ZMYND11: variants seen among roughly 807,000 people sequenced by gnomAD.
The protein encoded by ZMYND11 is zinc finger MYND domain-containing protein 11.
In ZMYND11, 9 loss-of-function variants were observed where a neutral mutation model predicts 84.9. That is an observed-to-expected ratio of 0.11 (90% CI 0.06 to 0.18). ZMYND11 has a LOEUF of 0.18. Among genes scored for constraint, ZMYND11 ranks in the 10% least tolerant of loss-of-function variants. The pLI is 1.00. For missense variants in ZMYND11, 409 were observed against 761.0 expected (o/e 0.54, Z 5.44); for synonymous variants, 250 against 244.1 (o/e 1.02, Z -0.23).
At chr10:247,678 A>C (rs1438225454) in intron 12 of ZMYND11, among the ~76,000 whole-genome samples, 2 of 152,196 alleles carry the variant, frequency 1.3e-5, no homozygotes, top group Non-Finnish European at 2.9e-5. Context: ...TACATGCTCC[A>C]AGTCTCCATC....
intron 4 of ZMYND11, among the ~76,000 whole-genome samples, chr10:231,768 T>C (rs1302611929): frequency 6.6e-6 from 1 of 152,200 alleles, no homozygotes; most frequent in Non-Finnish European, 1.5e-5. Context: ...TGTTCAAATT[T>C]TCTGTTATTT....
chr10:185,355 G>A (rs1350284252), intron 2 of ZMYND11, among the ~76,000 whole-genome samples: 1 of 151,806 alleles, frequency 6.6e-6, no homozygotes, highest in East Asian at 1.9e-4. Context: ...TAATTTTGTT[G>A]TACTGTGTAT....
chr10:185,828 A>AAC (rs1938220880), intron 2 of ZMYND11, among the ~76,000 whole-genome samples: 1 of 149,220 alleles, frequency 6.7e-6, no homozygotes, highest in Non-Finnish European at 1.5e-5. Context: ...AAACAAAAAA[A>AAC]CAAAAAAACA....
chr10:219,183 A>C (rs1946701598), intron 3 of ZMYND11, among the ~76,000 whole-genome samples: 1 of 152,164 alleles, frequency 6.6e-6, no homozygotes, highest in Non-Finnish European at 1.5e-5. Context: ...TCTTCATTTA[A>C]TGGGTGGATG....
At chr10:153,316 G>T (rs1554757668) in intron 1 of ZMYND11, among the ~76,000 whole-genome samples, 1 of 152,128 alleles carries the variant, frequency 6.6e-6, no homozygotes, top group Non-Finnish European at 1.5e-5. Context: ...CAATTAAAAT[G>T]AATATTAATA....
chr10:239,933 A>G lies in ZMYND11; in HGVS notation c.698-123A>G, dbSNP rs923569414. Reference sequence around the variant, plus strand: ...AATTTTATTTTGCTATCGTTATTTTAAATGGACATTTTGGTTTGAAATGGT... The same window carrying G: ...AATTTTATTTTGCTATCGTTATTTTGAATGGACATTTTGGTTTGAAATGGT... On this transcript the variant is annotated intron_variant, in intron 7 of 14. Transcript: ENST00000381604. 61 of 727,822 alleles carry G rather than the reference A, an allele frequency of 8.4e-5. 1 individual carries two copies. The Admixed American group carries it at 1.1e-3, about 13-fold the overall frequency. The allele number at this position is 727,822 out of a possible 1,614,324, so 45.1% of individuals were successfully genotyped here. A position where few individuals can be genotyped will look rare whatever the true frequency, so the allele number is the denominator to read the frequency against.
intron 1 of ZMYND11, among the ~76,000 whole-genome samples, chr10:167,478 A>T (rs886241251): frequency 6.6e-6 from 1 of 152,160 alleles, no homozygotes; most frequent in African/African-American, 2.4e-5. Flanking sequence ...AAAAGTAATT[A>T]AAAAATTTTT....
chr10:147,337 G>A (rs554927482), intron 1 of ZMYND11, among the ~76,000 whole-genome samples: 1 of 152,158 alleles, frequency 6.6e-6, no homozygotes, highest in Admixed American at 6.5e-5. Context: ...AGTTCTTAGG[G>A]GGAATGCTTT....
At chr10:143,319 G>A (rs1044451787) in intron 1 of ZMYND11, among the ~76,000 whole-genome samples, 1 of 152,110 alleles carries the variant, frequency 6.6e-6, no homozygotes. Flanking sequence ...GGAAGCTCTC[G>A]CAACTTTTGA....
At chr10:216,565 A>G (rs923570672) in intron 3 of ZMYND11, among the ~76,000 whole-genome samples, 1 of 152,206 alleles carries the variant, frequency 6.6e-6, no homozygotes, top group Admixed American at 6.5e-5. Flanking sequence ...CCGCAGAACC[A>G]CATATTTCTT....
intron 12 of ZMYND11, among the ~76,000 whole-genome samples, chr10:247,819 GT>G (rs1952473338): frequency 6.6e-6 from 1 of 152,178 alleles, no homozygotes; most frequent in South Asian, 2.1e-4. Flanking sequence ...TATATCAGTT[GT>G]GCCAACATTT....
intron 1 of ZMYND11, among the ~76,000 whole-genome samples, chr10:160,654 G>C (rs1211678445): frequency 6.6e-6 from 1 of 152,148 alleles, no homozygotes; most frequent in African/African-American, 2.4e-5. Context: ...GGAATATTCT[G>C]AAACCTGTGT....
At chr10:144,523 A>G (rs1199715260) in intron 1 of ZMYND11, among the ~76,000 whole-genome samples, 7 of 151,594 alleles carry the variant, frequency 4.6e-5, no homozygotes, top group Non-Finnish European at 1.0e-4. Context: ...TGCCTGGCCT[A>G]TTTTTTAAAA....
intron 1 of ZMYND11, among the ~76,000 whole-genome samples, chr10:158,012 C>T (rs1842091445): frequency 6.6e-6 from 1 of 152,210 alleles, no homozygotes; most frequent in Admixed American, 6.5e-5. Context: ...TTTCGAGGCT[C>T]ATCCATGTTG....
intron 2 of ZMYND11, among the ~76,000 whole-genome samples, chr10:205,064 G>A (rs543415243): frequency 6.0e-4 from 91 of 152,090 alleles, no homozygotes; most frequent in African/African-American, 2.0e-3. Flanking sequence ...GAGTTACCTG[G>A]TCATTATAAG....
intron 1 of ZMYND11, among the ~76,000 whole-genome samples, chr10:155,692 G>A (rs996707898): frequency 2.6e-5 from 4 of 152,064 alleles, no homozygotes; most frequent in African/African-American, 7.2e-5. Flanking sequence ...TGCACTTCTG[G>A]TTTTGGCCAA....
chr10:232,470 G>A (rs1949170094), intron 4 of ZMYND11, among the ~76,000 whole-genome samples: 1 of 152,170 alleles, frequency 6.6e-6, no homozygotes, highest in African/African-American at 2.4e-5. Context: ...CATTGGGAGG[G>A]ATTTTGGTTC....
At chr10:212,168 C>T (rs1416507971) in intron 3 of ZMYND11, among the ~76,000 whole-genome samples, 1 of 151,992 alleles carries the variant, frequency 6.6e-6, no homozygotes, top group Non-Finnish European at 1.5e-5. Context: ...TTTCTTCCTC[C>T]TCAAGTTGAA....
chr10:251,960 C>T (rs1290275940), intron 14 of ZMYND11, among the ~76,000 whole-genome samples: 1 of 152,000 alleles, frequency 6.6e-6, no homozygotes, highest in East Asian at 1.9e-4. Context: ...CGTATGTTAA[C>T]GACGAGAGAA....
Sources: gnomAD v4.1 joint callset for allele counts (sites outside exome capture counted in the v4.1 genomes callset) on GRCh38, gnomAD v4.1.1 for gene constraint, MANE v1.5 for transcripts, NCBI Gene and HGNC (gene_info 2026-07-23, HGNC 2026-07-21) for gene names.